Variants in ZNF512B observed in about 807,000 individuals in gnomAD.
The protein encoded by ZNF512B is zinc finger protein 512B.
Under a neutral mutation model 87.8 loss-of-function variants are expected in ZNF512B, and 22 were observed. That is an observed-to-expected ratio of 0.25 (90% confidence interval 0.18 to 0.36). The LOEUF (loss-of-function observed/expected upper bound fraction) is 0.36. Ranked by LOEUF, ZNF512B falls within the 10% of genes least tolerant of loss-of-function variation. The pLI is 1.00. For synonymous variants in ZNF512B, 524 were observed against 490.9 expected, an observed-to-expected ratio of 1.07 and a Z score of -0.89; for missense variants, 1,060 against 1,231.6, an observed-to-expected ratio of 0.86 and a Z score of 2.09.
Position 63,961,399 on chromosome 20 carries a change from G to A in ZNF512B, c.2337C>T (p.His779=). ...GCAGACAGCGGTACTTCCCTGCCAG[G>A]TGGGCCCCCTGCAATGCATAGGCAG... ...AHLASCSKGA[H]LAGKYRCLLC... is the part of the protein sequence containing the mutation. Residue 779 remains histidine (H), a synonymous_variant, in exon 16 of 17, where the codon CAC becomes CAT. Coordinates refer to ENST00000369888, the MANE Select transcript of ZNF512B (RefSeq NM_020713.3). This position sits in a 1 kb window ranked among gnomAD's most constrained non-coding sequence, Gnocchi z 6.4. The A allele has an allele frequency of 1.2e-6, 2 of 1,611,824 alleles. No homozygotes were observed. The highest frequency in any genetic ancestry group is 4.5e-5 in the East Asian group (2 of 44,876).
rs202158125 is a variant in ZNF512B at position 63,966,135 on chromosome 20, C to T, written c.1034+6G>A. 7.2e-5 allele frequency: 114 copies of T among 1,586,926 alleles called. 2 individuals are homozygous for T. The highest frequency in any genetic ancestry group is 5.1e-4 in the Middle Eastern group (3 of 5,902). On this transcript the variant is annotated splice_donor_region_variant and intron_variant, in intron 5 of 16. Transcript: ENST00000369888. Reference sequence around the variant, plus strand: ...TTCCTCCCCGACCTGGGACGAGCCCCCATACCTTTTCTTACCACTGTTCCT... The same window carrying T: ...TTCCTCCCCGACCTGGGACGAGCCCTCATACCTTTTCTTACCACTGTTCCT...
rs2058874834 is a variant in ZNF512B, at chr20:63,963,153, T to C, written c.1910A>G (p.Lys637Arg). ...SPSFPCTHCG[K>R]TYRSKAGHDY... ...GTGGCCAGCCTTGGATCGGTACGTC[T>C]TGCCACAGTGGGTGCAGGGGAAGGA... Residue 637 changes from lysine to arginine, a missense_variant, in exon 12 of 17, where the codon AAG (lysine) becomes AGG (arginine). Lys to Arg is a conservative substitution (Grantham distance 26). Transcript: ENST00000369888. 1.9e-6 allele frequency: 3 copies of C among 1,551,922 alleles called. No homozygotes were observed. Among genetic ancestry groups the C allele is most frequent in the Non-Finnish European group, 2.6e-6 (3 of 1,154,880 alleles).
rs998625535 is a variant in ZNF512B, at chr20:63,957,745, C to A, written c.*2143G>T. The A allele has an allele frequency of 6.6e-6, 1 of 152,632 alleles. No individual in the cohort carries two copies. The highest frequency in any genetic ancestry group is 6.5e-5 in the Admixed American group (1 of 15,302). 9.5% of individuals were successfully genotyped at this position (152,632 alleles called of 1,614,324 possible). On this transcript the variant is annotated 3_prime_UTR_variant, in exon 17 of 17. Transcript: ENST00000369888. ...AGGCTGGGGCAGGCACCACACCCTGCAGGTGTTCAGGTCCACCCTCCTCCC... is the reference window on the plus strand; with the variant it reads ...AGGCTGGGGCAGGCACCACACCCTGAAGGTGTTCAGGTCCACCCTCCTCCC...
At chr20:63,966,822 C>T in intron 4 of ZNF512B, 41 bp from the exon 5 acceptor site, 1 of 1,608,950 alleles carries the variant, frequency 6.2e-7, no homozygotes, top group Middle Eastern at 1.7e-4. Context: ...GCCCCAAGGG[C>T]CTCTGCCCAA....
intron 1 of ZNF512B, among the ~76,000 whole-genome samples, chr20:63,969,448 C>T (rs2058958690): frequency 6.6e-6 from 1 of 151,588 alleles, no homozygotes; most frequent in Non-Finnish European, 1.5e-5. Context: ...GGCCCGGGAC[C>T]CCGGCCCAGG....
At chr20:63,962,807 T>G (rs7273242) in intron 12 of ZNF512B, 26 bp from the exon 13 acceptor site, 7 of 1,567,564 alleles carry the variant, frequency 4.5e-6, no homozygotes, top group Non-Finnish European at 6.0e-6. Context: ...GCATGGAGGC[T>G]AGAGTGAGCC....
chr20:63,967,492 C>T lies in ZNF512B; in HGVS notation c.153G>A (p.Val51=). ...GMPVVRGGQT[V]PGQAPLCFDP... is the part of the protein sequence containing the mutation. ...CAAAGCAGAGAGGGGCCTGGCCGGG[C>T]ACTGTCTGTCCACCACGGACCACCG... Residue 51 remains valine, a synonymous_variant, in exon 3 of 17, where the codon GTG becomes GTA. Transcript: ENST00000369888. 6.2e-7 allele frequency: 1 copy of T among 1,610,744 alleles called. No individual in the cohort carries two copies. The highest frequency in any genetic ancestry group is 8.5e-7 in the Non-Finnish European group (1 of 1,178,466).
In ZNF512B at chr20:63,963,351, G is replaced by A. The variant is rs769357933; in HGVS notation, c.1788C>T (p.Cys596=). Residue 596 remains cysteine, a synonymous_variant, in exon 11 of 17, where the codon TGC becomes TGT. Transcript: ENST00000369888. The part of the protein sequence containing the change: ...KVLKQMGRLR[C]PQEGCGAAFS... ...GCGGCCCCCCACTGACCTCCTGGGG[G>A]CAGCGCAGCCGTCCCATCTGCTTCA... 1.9e-6 allele frequency: 3 copies of A among 1,541,886 alleles called. No individual in the cohort carries two copies. Among genetic ancestry groups the A allele is most frequent in the Non-Finnish European group, 2.6e-6 (3 of 1,148,602 alleles).
intron 5 of ZNF512B, 65 bp from the exon 6 acceptor site, chr20:63,964,781 G>A (rs1355604151): frequency 4.5e-5 from 71 of 1,581,532 alleles, no homozygotes; most frequent in South Asian, 6.9e-5. Context: ...CCCCCAGGCC[G>A]TGGCCGAGGA....
Position 63,963,528 on chromosome 20 carries a change from T to C in ZNF512B, c.1699-88A>G, listed in dbSNP as rs2058880658. 1.9e-6 allele frequency: 3 copies of C among 1,590,490 alleles called. No homozygotes were observed. The South Asian group carries it at 3.3e-5, about 18-fold the overall frequency. On this transcript the variant is annotated intron_variant, in intron 10 of 16. Coordinates refer to ENST00000369888, the MANE Select transcript of ZNF512B (RefSeq NM_020713.3). ...CCCCGCCCAGGTGTTGGGCCACCGT[T>C]GTCCGAGGTTAGAAACCGGGGGCAC...
In ZNF512B at chr20:63,964,411, C is replaced by T. The variant is rs376138504; in HGVS notation, c.1262-20G>A. The T allele has an allele frequency of 1.4e-5, 23 of 1,613,642 alleles. No individual in the cohort carries two copies. The highest frequency in any genetic ancestry group is 1.7e-5 in the Non-Finnish European group (20 of 1,179,882). ...TCCTTCCTGACTCGGGGAGAGAAAA[C>T]GGGGGCCAAGATTCTGGTGAAATAA... On this transcript the variant is annotated intron_variant, in intron 6 of 16. Coordinates refer to ENST00000369888, the MANE Select transcript of ZNF512B (RefSeq NM_020713.3).
chr20:63,967,155 T>C (rs2058937014), intron 3 of ZNF512B, 151 bp from the exon 4 acceptor site: 2 of 1,345,208 alleles, frequency 1.5e-6, no homozygotes, highest in Admixed American at 2.3e-5. Flanking sequence ...TCAAGCCACC[T>C]GGCAGGGGCC....
In ZNF512B at chr20:63,964,079, G is replaced by A; in HGVS notation, c.1472C>T (p.Pro491Leu). ...SKEAPAPVAH[P>L]APGGPEEQWQ... Reference sequence around the variant, plus strand: ...TGCCAGGCAGCCCCTACCTGGAGCTGGGTGGGCCACAGGGGCCGGTGCCTC... The same window carrying A: ...TGCCAGGCAGCCCCTACCTGGAGCTAGGTGGGCCACAGGGGCCGGTGCCTC... Residue 491 changes from proline to leucine, a missense_variant, in exon 8 of 17, where the codon CCA (proline) becomes CTA (leucine). Pro to Leu is a moderately conservative substitution (Grantham distance 98). Transcript: ENST00000369888. The A allele has an allele frequency of 6.2e-7, 1 of 1,608,502 alleles. No individual in the cohort carries two copies. Among genetic ancestry groups the A allele is most frequent in the Non-Finnish European group, 8.5e-7 (1 of 1,179,508 alleles).
At position 63,963,365 on chromosome 20, in the gene ZNF512B, C is replaced by T; in HGVS notation, c.1774G>A (p.Gly592Arg). 1.9e-6 allele frequency: 3 copies of T among 1,546,334 alleles called. No homozygotes were observed. Among genetic ancestry groups the T allele is most frequent in the Non-Finnish European group, 2.6e-6 (3 of 1,150,868 alleles). The change falls in exon 11 of 17, where the codon GGA (glycine) becomes AGA (arginine). Residue 592 changes from glycine (G) to arginine (R), a missense_variant. By Grantham distance (125) the Gly-to-Arg change is moderately radical (BLOSUM62 -2). This residue lies in a region of ZNF512B where 165 missense variants were observed against 173.0 expected (regional missense o/e 0.95). Coordinates refer to ENST00000369888, the MANE Select transcript of ZNF512B (RefSeq NM_020713.3). ...ACCTCCTGGGGGCAGCGCAGCCGTCCCATCTGCTTCAGCACCTTGCGCAGC... is the reference window on the plus strand; with the variant it reads ...ACCTCCTGGGGGCAGCGCAGCCGTCTCATCTGCTTCAGCACCTTGCGCAGC... ...ERLRKVLKQM[G>R]RLRCPQEGCG... is the part of the protein sequence containing the mutation.
rs199552229 is a variant in ZNF512B at position 63,960,016 on chromosome 20, G to A, written c.2551C>T (p.Arg851Trp). 21 of 1,613,508 alleles carry A rather than the reference G, an allele frequency of 1.3e-5. No individual in the cohort carries two copies. The East Asian group carries it at 1.3e-4, about 10-fold the overall frequency. ...GKKRGRKPKERTPEEPVAKLP... is the reference protein window; with the variant it reads ...GKKRGRKPKEWTPEEPVAKLP... The stretch of plus-strand genomic sequence containing the variant: ...TTGGCCACAGGCTCCTCTGGGGTCC[G>A]CTCCTTGGGCTTTCGGCCCCGCTTC... Residue 851 changes from arginine to tryptophan, a missense_variant, in exon 17 of 17, where the codon CGG (arginine) becomes TGG (tryptophan). Around this residue, in one of 9 missense-constraint regions of ZNF512B, gnomAD observed 253 missense variants for 259.2 expected, o/e 0.98. Coordinates refer to ENST00000369888, the MANE Select transcript of ZNF512B (RefSeq NM_020713.3).
chr20:63,961,362 C>G lies in ZNF512B; in HGVS notation c.2374G>C (p.Glu792Gln). The change falls in exon 16 of 17, where the codon GAG becomes CAG. Residue 792 changes from glutamate (E) to glutamine (Q), a missense_variant. Physicochemically the swap from Glu to Gln is conservative, Grantham distance 29 (BLOSUM62 2). This residue lies in a region of ZNF512B where 253 missense variants were observed against 259.2 expected (regional missense o/e 0.98). Transcript: ENST00000369888. This position sits in a 1 kb window ranked among gnomAD's most constrained non-coding sequence, Gnocchi z 6.4. ...GKYRCLLCPKEFSSESGVKYH... is the reference protein window; with the variant it reads ...GKYRCLLCPKQFSSESGVKYH... Reference sequence around the variant, plus strand: ...TTGACGCCACTCTCAGAACTGAACTCCTTCGGACACAGCAGACAGCGGTAC... The same window carrying G: ...TTGACGCCACTCTCAGAACTGAACTGCTTCGGACACAGCAGACAGCGGTAC... 6.2e-7 allele frequency: 1 copy of G among 1,612,810 alleles called. No homozygotes were observed. Among genetic ancestry groups the G allele is most frequent in the Non-Finnish European group, 8.5e-7 (1 of 1,179,978 alleles).
chr20:63,969,197 G>C (rs1330126969), intron 1 of ZNF512B: 1 of 985,282 alleles, frequency 1.0e-6, no homozygotes, highest in Non-Finnish European at 1.2e-6. Context: ...CGGTGGCCTG[G>C]GGTGCAGGTG....
Position 63,969,859 on chromosome 20 carries a change from C to CG in ZNF512B, c.-49dup, listed in dbSNP as rs1440580994. ...GCGGCCGGGCCGGGCCGGGCCGGGGCGGGGGGCGCGGGGCGCGGGGCGCTG... is the reference window on the plus strand; with the variant it reads ...GCGGCCGGGCCGGGCCGGGCCGGGGCGGGGGGGCGCGGGGCGCGGGGCGCTG... On this transcript the variant is annotated 5_prime_UTR_variant, in exon 1 of 17. Transcript: ENST00000369888. 3 of 18,042 alleles carry CG rather than the reference C, an allele frequency of 1.7e-4. No homozygotes were observed. In the South Asian group the frequency reaches 3.9e-3, roughly 23 times the overall value. The allele number at this position is 18,042 out of a possible 1,614,324, so 1.1% of individuals were successfully genotyped here. A position where few individuals can be genotyped will look rare whatever the true frequency, so the allele number is the denominator to read the frequency against.
At position 63,966,561 on chromosome 20, in the gene ZNF512B, C is replaced by T. The variant is rs893792043; in HGVS notation, c.614G>A (p.Gly205Asp). 8.7e-6 allele frequency: 14 copies of T among 1,613,922 alleles called. No homozygotes were observed. The highest frequency in any genetic ancestry group is 8.5e-6 in the Non-Finnish European group (10 of 1,180,008). Reference sequence around the variant, plus strand: ...GCTGATGCCAATGGGTTTGCTGACACCCACAGGTTTGCCAATAGTGACAGG... The same window carrying T: ...GCTGATGCCAATGGGTTTGCTGACATCCACAGGTTTGCCAATAGTGACAGG... Reference protein sequence around the residue: ...SKPVTIGKPVGVSKPIGISKP... With the variant: ...SKPVTIGKPVDVSKPIGISKP... The change falls in exon 5 of 17, where the codon GGT (glycine) becomes GAT (aspartate). Residue 205 changes from glycine to aspartate, a missense_variant. Physicochemically the swap from Gly to Asp is moderately conservative, Grantham distance 94. Around this residue, in one of 9 missense-constraint regions of ZNF512B, gnomAD observed 201 missense variants for 226.8 expected, o/e 0.89. Transcript: ENST00000369888.
Sources: allele counts gnomAD v4.1 joint callset (sites outside exome capture counted in the v4.1 genomes callset), GRCh38; gene constraint gnomAD v4.1.1; regional missense constraint gnomAD v4.1.1; non-coding constraint Gnocchi (gnomAD v3.1); transcripts MANE v1.5; gene names NCBI Gene and HGNC (gene_info 2026-07-23, HGNC 2026-07-21).